EPM2A: variants seen among roughly 807,000 people sequenced by gnomAD.
The protein encoded by EPM2A is laforin.
EPM2A carries 21 observed loss-of-function variants against 26.5 expected under a neutral mutation model. The observed-to-expected ratio is 0.79, with a 90% CI of 0.56 to 1.14. The LOEUF (loss-of-function observed/expected upper bound fraction) is 1.14, where lower values mean the gene tolerates loss of function less well. Among genes scored for constraint, EPM2A ranks in the 50% most tolerant of loss-of-function variants. The pLI is 0.00. For missense variants in EPM2A, 458 were observed against 440.8 expected (o/e 1.04, Z -0.35); for synonymous variants, 217 against 177.6 (o/e 1.22, Z -1.76).
chr6:145,402,353 C>G (rs1582727298), intron 4 of EPM2A, among the ~76,000 whole-genome samples: 1 of 152,092 alleles, frequency 6.6e-6, no homozygotes, highest in African/African-American at 2.4e-5. Context: ...AAATAACTGA[C>G]TAGTACCCTT....
chr6:145,573,264 G>A (rs1346974061), intron 2 of EPM2A, among the ~76,000 whole-genome samples: 3 of 152,232 alleles, frequency 2.0e-5, no homozygotes, highest in Admixed American at 6.5e-5. Context: ...TACCCCTGAG[G>A]TAGGACAGTA....
chr6:145,467,066 C>T (rs866203072), intron 4 of EPM2A, among the ~76,000 whole-genome samples: 6 of 152,092 alleles, frequency 3.9e-5, no homozygotes, highest in Admixed American at 6.6e-5. Context: ...GTGGGTGCAG[C>T]GCACCAGCAT....
chr6:145,401,505 A>T (rs1441479105), intron 4 of EPM2A, among the ~76,000 whole-genome samples: 2 of 152,176 alleles, frequency 1.3e-5, no homozygotes, highest in African/African-American at 4.8e-5. Flanking sequence ...CACAATGTTA[A>T]TTAAGCATGA....
chr6:145,468,408 T>C (rs1485934693), intron 4 of EPM2A, among the ~76,000 whole-genome samples: 1 of 152,152 alleles, frequency 6.6e-6, no homozygotes, highest in Non-Finnish European at 1.5e-5. Flanking sequence ...GAAATTATTA[T>C]AATAATGTAA....
intron 2 of EPM2A, among the ~76,000 whole-genome samples, chr6:145,645,701 A>G (rs536371312): frequency 9.2e-5 from 14 of 152,100 alleles, no homozygotes; most frequent in African/African-American, 3.1e-4. Flanking sequence ...CCCAGGCTCA[A>G]GCACTCCTCC....
At chr6:145,607,178 G>A (rs1001694335) in intron 2 of EPM2A, among the ~76,000 whole-genome samples, 8 of 152,012 alleles carry the variant, frequency 5.3e-5, no homozygotes, top group Non-Finnish European at 1.2e-4. Context: ...AAATAACCTC[G>A]TTAAAGTTTT....
Position 145,573,912 on chromosome 6 carries a change from A to G in EPM2A, c.340+61333T>C, listed in dbSNP as rs1041576845. Among the ~76,000 whole-genome samples the G allele has an allele frequency of 2.6e-5, 4 of 152,178 alleles. 1 individual carries two copies. The highest frequency in any genetic ancestry group is 6.5e-5 in the Admixed American group (1 of 15,278). On this transcript the variant is annotated intron_variant, in intron 2 of 3. Transcript: ENST00000450221. ...CTGGAGGACCATAATGATGTTTTGG[A>G]TCCCCTGGAATCAATGTCAGCTCAG...
At chr6:145,389,959 C>A (rs1420380386) in intron 4 of EPM2A, among the ~76,000 whole-genome samples, 2 of 152,104 alleles carry the variant, frequency 1.3e-5, no homozygotes, top group Non-Finnish European at 2.9e-5. Flanking sequence ...ATGGTTAATT[C>A]TTGTGTTTTC....
At chr6:145,724,265 A>G (rs1776088225) in intron 1 of EPM2A, among the ~76,000 whole-genome samples, 1 of 152,132 alleles carries the variant, frequency 6.6e-6, no homozygotes, top group Admixed American at 6.5e-5. Context: ...TAGATACAAA[A>G]GTTAATTTAT....
At chr6:145,717,419 C>G (rs978956290) in intron 1 of EPM2A, among the ~76,000 whole-genome samples, 14 of 152,138 alleles carry the variant, frequency 9.2e-5, no homozygotes, top group South Asian at 6.2e-4. Flanking sequence ...ATTCAACAAC[C>G]CTTCATGCTA....
chr6:145,398,338 C>G (rs6936142), intron 4 of EPM2A, among the ~76,000 whole-genome samples: 1 of 151,970 alleles, frequency 6.6e-6, no homozygotes, highest in East Asian at 1.9e-4. Context: ...TTGTATGAAA[C>G]TTGTGATTTC....
chr6:145,719,497 A>T (rs1259296547), intron 1 of EPM2A, among the ~76,000 whole-genome samples: 2 of 151,114 alleles, frequency 1.3e-5, no homozygotes, highest in Non-Finnish European at 2.9e-5. Context: ...GGGGAGGGAT[A>T]GCATTGGAAG....
intron 2 of EPM2A, among the ~76,000 whole-genome samples, chr6:145,519,455 T>C (rs1247814711): frequency 6.6e-6 from 1 of 152,174 alleles, no homozygotes; most frequent in Non-Finnish European, 1.5e-5. Flanking sequence ...TTGGTTTTGC[T>C]AATGGAATCC....
chr6:145,624,385 T>G (rs75696970), downstream of EPM2A, among the ~76,000 whole-genome samples: 2,293 of 152,298 alleles, frequency 0.015, 27 homozygotes, highest in Middle Eastern at 0.034. Context: ...ATTTTAGCCA[T>G]TTTTCTTCCT....
At chr6:145,445,463 T>C (rs1779117924) in intron 4 of EPM2A, among the ~76,000 whole-genome samples, 2 of 152,336 alleles carry the variant, frequency 1.3e-5, no homozygotes, top group Middle Eastern at 3.4e-3. Context: ...TTATCCAGTA[T>C]AGAGAATCTA....
chr6:145,433,758 G>A (rs1246272968), intron 4 of EPM2A, among the ~76,000 whole-genome samples: 1 of 152,022 alleles, frequency 6.6e-6, no homozygotes, highest in African/African-American at 2.4e-5. Flanking sequence ...TTGAAAACCT[G>A]CTAAATTCAA....
intron 2 of EPM2A, among the ~76,000 whole-genome samples, chr6:145,596,537 T>C (rs4623262): frequency 0.051 from 7,748 of 152,218 alleles, 666 homozygotes; most frequent in African/African-American, 0.17. Flanking sequence ...CTCTGTACTC[T>C]TGAGTATATT....
At chr6:145,487,079 T>G (rs542998094) in intron 4 of EPM2A, among the ~76,000 whole-genome samples, 5 of 152,256 alleles carry the variant, frequency 3.3e-5, no homozygotes, top group African/African-American at 1.2e-4. Flanking sequence ...CACTCAAAAG[T>G]GAGAACGTTG....
At chr6:145,709,922 A>G (rs752779568) in intron 1 of EPM2A, among the ~76,000 whole-genome samples, 3 of 152,222 alleles carry the variant, frequency 2.0e-5, no homozygotes, top group Non-Finnish European at 4.4e-5. Context: ...ATTTGCAGAA[A>G]GCTGAAACTG....
Sources: gnomAD v4.1 joint callset for allele counts (sites outside exome capture counted in the v4.1 genomes callset) on GRCh38, gnomAD v4.1.1 for gene constraint, MANE v1.5 for transcripts, NCBI Gene and HGNC (gene_info 2026-07-23, HGNC 2026-07-21) for gene names.